SNTB1: variants seen among roughly 807,000 people sequenced by gnomAD.
The protein encoded by SNTB1 is beta-1-syntrophin.
SNTB1 carries 36 observed loss-of-function variants against 48.9 expected under a neutral mutation model. The observed-to-expected ratio is 0.74, with a 90% CI of 0.56 to 0.97. SNTB1 has a LOEUF of 0.97. SNTB1 is among the 50% of genes least tolerant of loss of function. SNTB1 has a pLI of 0.00. For synonymous variants in SNTB1, 299 were observed against 294.6 expected (o/e 1.01, Z -0.15); for missense variants, 786 against 703.4 (o/e 1.12, Z -1.33).
intron 3 of SNTB1, among the ~76,000 whole-genome samples, chr8:120,629,842 A>G (rs1816950497): frequency 6.6e-6 from 1 of 152,238 alleles, no homozygotes; most frequent in Non-Finnish European, 1.5e-5. Context: ...ATCTGAAATT[A>G]CACCATAAGA....
intron 1 of SNTB1, among the ~76,000 whole-genome samples, chr8:120,802,454 A>G (rs564673563): frequency 6.6e-6 from 1 of 152,252 alleles, no homozygotes; most frequent in South Asian, 2.1e-4. Flanking sequence ...AACCCACAGC[A>G]GCCTACACTG....
chr8:120,724,888 G>T (rs1012319023), intron 1 of SNTB1, among the ~76,000 whole-genome samples: 6 of 152,196 alleles, frequency 3.9e-5, no homozygotes, highest in Admixed American at 2.0e-4. Context: ...AAGTAGGCTA[G>T]GAGGTGGAGA....
At chr8:120,712,956 C>T (rs1427462021) in intron 1 of SNTB1, among the ~76,000 whole-genome samples, 2 of 152,166 alleles carry the variant, frequency 1.3e-5, no homozygotes, top group Admixed American at 6.5e-5. Flanking sequence ...CTCCTCGTTA[C>T]TATTGCCAGT....
intron 1 of SNTB1, among the ~76,000 whole-genome samples, chr8:120,734,371 C>T (rs554642215): frequency 6.9e-4 from 103 of 149,834 alleles, no homozygotes; most frequent in African/African-American, 2.4e-3. Flanking sequence ...TGCTTGAACC[C>T]GGGAGTCAGA....
chr8:120,675,165 A>G (rs1455706460), intron 2 of SNTB1, among the ~76,000 whole-genome samples: 1 of 152,172 alleles, frequency 6.6e-6, no homozygotes, highest in Non-Finnish European at 1.5e-5. Context: ...ACAATCATTC[A>G]CTTGGATGGC....
chr8:120,696,887 T>C (rs1818219366), intron 1 of SNTB1, among the ~76,000 whole-genome samples: 1 of 152,176 alleles, frequency 6.6e-6, no homozygotes, highest in African/African-American at 2.4e-5. Flanking sequence ...GACAAGCTAA[T>C]AGGTTTGAGC....
At chr8:120,675,019 C>A (rs1388465294) in intron 2 of SNTB1, among the ~76,000 whole-genome samples, 3 of 152,072 alleles carry the variant, frequency 2.0e-5, no homozygotes, top group Admixed American at 2.0e-4. Flanking sequence ...TATCTTTAGA[C>A]CCAGAAGGAA....
chr8:120,677,978 G>A (rs190835162), intron 2 of SNTB1, among the ~76,000 whole-genome samples: 54 of 152,170 alleles, frequency 3.5e-4, no homozygotes, highest in African/African-American at 1.2e-3. Flanking sequence ...AACATTTTCC[G>A]ATTGTCTGAA....
intron 2 of SNTB1, among the ~76,000 whole-genome samples, chr8:120,634,482 C>A (rs1817040722): frequency 6.6e-6 from 1 of 152,154 alleles, no homozygotes; most frequent in African/African-American, 2.4e-5. Context: ...GTTGGTGATG[C>A]TGGGATTCAA....
chr8:120,700,224 G>A (rs1818284293), intron 1 of SNTB1, among the ~76,000 whole-genome samples: 1 of 151,840 alleles, frequency 6.6e-6, no homozygotes, highest in African/African-American at 2.4e-5. Flanking sequence ...TATGTGCTGT[G>A]AGAAAACATC....
chr8:120,580,134 C>CT (rs1236677576), intron 3 of SNTB1, among the ~76,000 whole-genome samples: 2 of 152,216 alleles, frequency 1.3e-5, no homozygotes, highest in African/African-American at 2.4e-5. Context: ...GGGATTCTTG[C>CT]TTTACAGCTC....
At chr8:120,610,121 TATTA>T (rs758042765) in intron 3 of SNTB1, among the ~76,000 whole-genome samples, 1 of 152,216 alleles carries the variant, frequency 6.6e-6, no homozygotes, top group Non-Finnish European at 1.5e-5. Flanking sequence ...ACAGTTTCTT[TATTA>T]TTCACTATTT....
chr8:120,585,863 T>G (rs1816131169), intron 3 of SNTB1, among the ~76,000 whole-genome samples: 1 of 152,192 alleles, frequency 6.6e-6, no homozygotes, highest in African/African-American at 2.4e-5. Flanking sequence ...ACATATAACA[T>G]GAATACAGTG....
chr8:120,760,419 T>G (rs923167562), intron 1 of SNTB1, among the ~76,000 whole-genome samples: 10 of 152,098 alleles, frequency 6.6e-5, no homozygotes, highest in Admixed American at 6.6e-4. Context: ...TATATCTTAC[T>G]TGGGGCAGAA....
chr8:120,568,891 G>A (rs1369773096), intron 4 of SNTB1, among the ~76,000 whole-genome samples: 2 of 152,232 alleles, frequency 1.3e-5, no homozygotes, highest in Non-Finnish European at 2.9e-5. Flanking sequence ...GAGAGGGACA[G>A]TGAGTTGAGG....
At chr8:120,791,524 C>T (rs1820035692) in intron 1 of SNTB1, among the ~76,000 whole-genome samples, 1 of 151,838 alleles carries the variant, frequency 6.6e-6, no homozygotes, top group African/African-American at 2.4e-5. Flanking sequence ...AATGGGAGAA[C>T]ATATTTGCAA....
At chr8:120,628,659 A>G (rs1475537440) in intron 3 of SNTB1, among the ~76,000 whole-genome samples, 2 of 152,226 alleles carry the variant, frequency 1.3e-5, no homozygotes, top group Middle Eastern at 3.4e-3. Flanking sequence ...TGGGAGGCTG[A>G]GGTAGGAGAA....
intron 2 of SNTB1, among the ~76,000 whole-genome samples, chr8:120,691,964 C>T (rs1323711587): frequency 2.0e-5 from 3 of 152,122 alleles, no homozygotes; most frequent in Non-Finnish European, 2.9e-5. Flanking sequence ...ACCAGGATAT[C>T]GACTGCAGGC....
chr8:120,807,345 G>A (rs770127284), intron 1 of SNTB1, among the ~76,000 whole-genome samples: 1 of 152,210 alleles, frequency 6.6e-6, no homozygotes, highest in Non-Finnish European at 1.5e-5. Flanking sequence ...ACTGTGCCCA[G>A]CTCCAGAGGG....
Sources: allele counts gnomAD v4.1 joint callset (sites outside exome capture counted in the v4.1 genomes callset), GRCh38; gene constraint gnomAD v4.1.1; transcripts MANE v1.5; gene names NCBI Gene and HGNC (gene_info 2026-07-23, HGNC 2026-07-21).